Variants in SLC4A10 observed in about 807,000 individuals in gnomAD.
SLC4A10 encodes solute carrier family 4 member 10, also known as sodium-driven chloride bicarbonate exchanger.
SLC4A10 carries 42 observed loss-of-function variants against 137.7 expected under a neutral mutation model. The ratio of observed to expected loss-of-function variants is 0.30; its 90% CI spans 0.24 to 0.39. The LOEUF (loss-of-function observed/expected upper bound fraction) is 0.39. SLC4A10 is among the 10% of genes least tolerant of loss of function. SLC4A10 has a pLI of 1.00. For missense variants in SLC4A10, 925 were observed against 1,355.0 expected, an observed-to-expected ratio of 0.68 and a Z score of 4.98; for synonymous variants, 474 against 464.1, an observed-to-expected ratio of 1.02 and a Z score of -0.27.
At chr2:161,645,045 A>G (rs1574069232) in intron 1 of SLC4A10, among the ~76,000 whole-genome samples, 1 of 152,180 alleles carries the variant, frequency 6.6e-6, no homozygotes. Flanking sequence ...ATAATTTAAT[A>G]AGCAAAAGCA....
intron 11 of SLC4A10, among the ~76,000 whole-genome samples, chr2:161,896,635 G>A (rs1468788308): frequency 2.6e-5 from 4 of 152,012 alleles, no homozygotes; most frequent in African/African-American, 4.8e-5. Flanking sequence ...TGAAATAAAA[G>A]AGGATACAAA....
intron 11 of SLC4A10, among the ~76,000 whole-genome samples, chr2:161,897,028 A>G (rs1019229269): frequency 2.2e-4 from 33 of 152,108 alleles, no homozygotes; most frequent in Admixed American, 1.2e-3. Flanking sequence ...ATTATATAGA[A>G]AACTCCATAT....
chr2:161,810,127 C>T (rs1234533184), intron 3 of SLC4A10, among the ~76,000 whole-genome samples: 1 of 151,490 alleles, frequency 6.6e-6, no homozygotes, highest in Non-Finnish European at 1.5e-5. Flanking sequence ...TTTTTGTGTG[C>T]CTATTGTAAA....
chr2:161,644,590 G>T (rs1263519351), intron 1 of SLC4A10, among the ~76,000 whole-genome samples: 1 of 152,088 alleles, frequency 6.6e-6, no homozygotes, highest in East Asian at 1.9e-4. Context: ...TCTATGAATG[G>T]ATTTGAATAA....
intron 10 of SLC4A10, among the ~76,000 whole-genome samples, chr2:161,892,111 A>G (rs1432731865): frequency 6.6e-6 from 1 of 152,092 alleles, no homozygotes; most frequent in African/African-American, 2.4e-5. Flanking sequence ...TAAACAAATT[A>G]TGGCATCTAT....
At chr2:161,941,855 T>G (rs547846606) in intron 15 of SLC4A10, among the ~76,000 whole-genome samples, 1 of 152,312 alleles carries the variant, frequency 6.6e-6, no homozygotes, top group South Asian at 2.1e-4. Flanking sequence ...GTTTTTAAGG[T>G]TTCTCTGGGG....
At chr2:161,660,588 C>CTTTCTTTCT (rs374950470) in intron 1 of SLC4A10, among the ~76,000 whole-genome samples, 8 of 120,926 alleles carry the variant, frequency 6.6e-5, no homozygotes, top group Non-Finnish European at 1.2e-4. Flanking sequence ...TTCTTTCTTT[C>CTTTCTTTCT]TTTCTTTCTT....
At chr2:161,896,126 A>G (rs1169779420) in intron 11 of SLC4A10, among the ~76,000 whole-genome samples, 5 of 152,154 alleles carry the variant, frequency 3.3e-5, no homozygotes, top group Non-Finnish European at 7.3e-5. Flanking sequence ...TCAGCTTTCT[A>G]CATATGGCTA....
intron 1 of SLC4A10, among the ~76,000 whole-genome samples, chr2:161,750,749 G>A (rs2048880785): frequency 6.6e-6 from 1 of 151,624 alleles, no homozygotes; most frequent in Non-Finnish European, 1.5e-5. Context: ...AGTTCATTTG[G>A]TCTGTAGTGT....
At chr2:161,685,150 G>A (rs1021269843) in intron 1 of SLC4A10, among the ~76,000 whole-genome samples, 12 of 152,116 alleles carry the variant, frequency 7.9e-5, no homozygotes, top group Non-Finnish European at 1.6e-4. Flanking sequence ...ACTGAGTTAT[G>A]GTTAATGATT....
chr2:161,719,554 C>A (rs1382331207), intron 1 of SLC4A10, among the ~76,000 whole-genome samples: 1 of 152,074 alleles, frequency 6.6e-6, no homozygotes, highest in Non-Finnish European at 1.5e-5. Flanking sequence ...TACATCCTCT[C>A]CAGCACCTGT....
At chr2:161,846,828 G>A (rs899212930) in intron 4 of SLC4A10, among the ~76,000 whole-genome samples, 1 of 152,146 alleles carries the variant, frequency 6.6e-6, no homozygotes, top group Non-Finnish European at 1.5e-5. Flanking sequence ...GAAATAGAGT[G>A]AGGATTGAGA....
intron 5 of SLC4A10, among the ~76,000 whole-genome samples, chr2:161,858,997 T>G (rs1321127449): frequency 6.6e-6 from 1 of 152,188 alleles, no homozygotes; most frequent in African/African-American, 2.4e-5. Context: ...ACATCTTTAG[T>G]ACACACATCC....
intron 1 of SLC4A10, among the ~76,000 whole-genome samples, chr2:161,725,341 C>G (rs970470092): frequency 1.3e-5 from 2 of 152,124 alleles, no homozygotes; most frequent in African/African-American, 2.4e-5. Context: ...TCTCAGAATA[C>G]TCATCTGTTT....
chr2:161,785,703 G>T (rs2053546296), intron 2 of SLC4A10, among the ~76,000 whole-genome samples: 1 of 151,626 alleles, frequency 6.6e-6, no homozygotes, highest in South Asian at 2.1e-4. Context: ...CACAATAAAG[G>T]CCATATATGA....
chr2:161,695,829 A>T (rs2042428807), intron 1 of SLC4A10, among the ~76,000 whole-genome samples: 1 of 152,224 alleles, frequency 6.6e-6, no homozygotes. Flanking sequence ...CACTAAAGAG[A>T]ACAATAATTC....
chr2:161,658,031 G>C (rs1215122814), intron 1 of SLC4A10, among the ~76,000 whole-genome samples: 1 of 151,970 alleles, frequency 6.6e-6, no homozygotes, highest in African/African-American at 2.4e-5. Context: ...CTACTTATAG[G>C]GTGCTCATGA....
intron 1 of SLC4A10, among the ~76,000 whole-genome samples, chr2:161,757,041 A>G: frequency 6.6e-6 from 1 of 152,200 alleles, no homozygotes; most frequent in East Asian, 1.9e-4. Context: ...TTTTCAAGTC[A>G]GCTCACTTAT....
intron 1 of SLC4A10, among the ~76,000 whole-genome samples, chr2:161,769,258 A>G (rs954372686): frequency 6.6e-6 from 1 of 151,846 alleles, no homozygotes; most frequent in Non-Finnish European, 1.5e-5. Context: ...TATTCCTTCC[A>G]TTGTTACCTC....
Sources: gnomAD v4.1 joint callset for allele counts (sites outside exome capture counted in the v4.1 genomes callset) on GRCh38, gnomAD v4.1.1 for gene constraint, MANE v1.5 for transcripts, NCBI Gene and HGNC (gene_info 2026-07-23, HGNC 2026-07-21) for gene names.